Variants in NUDT2 observed in about 807,000 individuals in gnomAD.
NUDT2 encodes the protein nudix hydrolase 2, also known as bis(5'-nucleosyl)-tetraphosphatase [asymmetrical].
NUDT2 carries 12 observed loss-of-function variants against 14.2 expected under a neutral mutation model. That is an observed-to-expected ratio of 0.84 (90% CI 0.54 to 1.37). NUDT2 has a LOEUF of 1.37. NUDT2 is among the 40% of genes most tolerant of loss of function. The pLI, the probability that NUDT2 is intolerant of heterozygous loss-of-function variation, is 0.00. For synonymous variants in NUDT2, 67 were observed against 67.4 expected (o/e 0.99, Z 0.03); for missense variants, 167 against 176.7 (o/e 0.95, Z 0.31).
At chr9:34,329,859 G>A (rs1005619720) in intron 1 of NUDT2, among the ~76,000 whole-genome samples, 1 of 147,572 alleles carries the variant, frequency 6.8e-6, no homozygotes, top group Admixed American at 6.9e-5. Context: ...GATAGGGTGG[G>A]TCGTCCAAAT....
At chr9:34,334,662 G>A (rs1838040600) in intron 1 of NUDT2, among the ~76,000 whole-genome samples, 1 of 152,208 alleles carries the variant, frequency 6.6e-6, no homozygotes. Context: ...GAGGTGGGGA[G>A]AGAGTTCTTT....
chr9:34,339,181 G>A lies in NUDT2; in HGVS notation c.127+15G>A. On this transcript the variant is annotated intron_variant, in intron 4 of 4. Coordinates refer to ENST00000379158, the MANE Select transcript of NUDT2 (RefSeq NM_001161.5). ...TCCTCCCAAAGGTAGAGGCCAGAGG[G>A]GCCAGCTCTTGGGAAACTGCCAACC... 6.2e-7 allele frequency: 1 copy of A among 1,607,054 alleles called. No homozygotes were observed. The highest frequency in any genetic ancestry group is 1.1e-5 in the South Asian group (1 of 90,898).
chr9:34,336,419 T>A (rs1048358436), intron 2 of NUDT2, 78 bp downstream of exon 2: 1 of 152,212 alleles, frequency 6.6e-6, no homozygotes, highest in Non-Finnish European at 1.5e-5. Context: ...CCTACCACTT[T>A]ATATATGAAT....
At chr9:34,341,799 C>T (rs1284585755) in intron 4 of NUDT2, among the ~76,000 whole-genome samples, 3 of 152,184 alleles carry the variant, frequency 2.0e-5, no homozygotes, top group Admixed American at 1.3e-4. Flanking sequence ...CATGAGCCAC[C>T]GCCCCTGGAC....
chr9:34,329,937 C>G (rs537250786), intron 1 of NUDT2, among the ~76,000 whole-genome samples: 2 of 152,344 alleles, frequency 1.3e-5, no homozygotes, highest in East Asian at 3.9e-4. Flanking sequence ...CCTCCCTGGG[C>G]CTCAGTTTCA....
At chr9:34,331,379 G>A (rs1837931782) in intron 1 of NUDT2, among the ~76,000 whole-genome samples, 1 of 152,194 alleles carries the variant, frequency 6.6e-6, no homozygotes, top group African/African-American at 2.4e-5. Context: ...ATGCAAAGTA[G>A]GTGTTAACTT....
intron 1 of NUDT2, among the ~76,000 whole-genome samples, chr9:34,331,226 G>A (rs1837923323): frequency 6.6e-6 from 1 of 152,180 alleles, no homozygotes; most frequent in South Asian, 2.1e-4. Flanking sequence ...CAGTTTAACA[G>A]ACAAGATGAA....
rs1160771057 is a variant in NUDT2 at position 34,336,307 on chromosome 9, G to A, written c.-186G>A. The A allele has an allele frequency of 6.6e-6, 1 of 152,172 alleles. No individual in the cohort carries two copies. The highest frequency in any genetic ancestry group is 1.5e-5 in the Non-Finnish European group (1 of 68,046). The allele number at this position is 152,172 out of a possible 1,614,324, so 9.4% of individuals were successfully genotyped here. A position where few individuals can be genotyped will look rare whatever the true frequency, so the allele number is the denominator to read the frequency against. On this transcript the variant is annotated 5_prime_UTR_variant, in exon 2 of 5. It adds an upstream start codon to the 5' untranslated region. Transcript: ENST00000379158. ...GAGATCTTTGTTCACCAGTTCTACA[G>A]TGATGGGGTGCTTCCTTTTGGCTTC...
At position 34,343,462 on chromosome 9, in the gene NUDT2, T is replaced by A; in HGVS notation, c.*22T>A. 6.5e-7 allele frequency: 1 copy of A among 1,539,964 alleles called. No individual in the cohort carries two copies. Among genetic ancestry groups the A allele is most frequent in the Non-Finnish European group, 8.8e-7 (1 of 1,142,426 alleles). ...CTGAGCTGACTGGAGCAGAGTCATT[T>A]GCTTCAGCAGGATCCTTGTGGGCCT... On this transcript the variant is annotated 3_prime_UTR_variant, in exon 5 of 5. Coordinates refer to ENST00000379158, the MANE Select transcript of NUDT2 (RefSeq NM_001161.5).
rs77958333 is a variant in NUDT2, at chr9:34,335,536, T to A, written c.-264-693T>A. Reference sequence around the variant, plus strand: ...AAGCCAGAAAGCTTCACAGAGGAGGTGACATCTGAGCTGCTTCTGACGAGT... The same window carrying A: ...AAGCCAGAAAGCTTCACAGAGGAGGAGACATCTGAGCTGCTTCTGACGAGT... On this transcript the variant is annotated intron_variant, in intron 1 of 4. Transcript: ENST00000379158. Among the ~76,000 whole-genome samples, 101 of 152,320 alleles carry A rather than the reference T, an allele frequency of 6.6e-4. No individual in the cohort carries two copies. The East Asian group carries it at 0.018, about 28-fold the overall frequency.
At chr9:34,341,001 TG>T (rs1820170118) in intron 4 of NUDT2, among the ~76,000 whole-genome samples, 1 of 151,158 alleles carries the variant, frequency 6.6e-6, no homozygotes, top group African/African-American at 2.4e-5. Flanking sequence ...TAAAAGGGAG[TG>T]GGGTTAGAAG....
chr9:34,343,340 G>A lies in NUDT2; in HGVS notation c.344G>A (p.Arg115His), dbSNP rs1312609869. ...CTCTCCCATGAGCACCAAGCCTACCGCTGGCTGGGGCTGGAGGAGGCCTGC... is the reference window on the plus strand; with the variant it reads ...CTCTCCCATGAGCACCAAGCCTACCACTGGCTGGGGCTGGAGGAGGCCTGC... ...IRLSHEHQAY[R>H]WLGLEEACQL... is the part of the protein sequence containing the mutation. The change falls in exon 5 of 5, where the codon CGC becomes CAC. Residue 115 changes from arginine (R) to histidine (H), a missense_variant. Physicochemically the swap from Arg to His is conservative, Grantham distance 29. Coordinates refer to ENST00000379158, the MANE Select transcript of NUDT2 (RefSeq NM_001161.5). 8 of 1,613,850 alleles carry A rather than the reference G, an allele frequency of 5.0e-6. No homozygotes were observed. The highest frequency in any genetic ancestry group is 4.4e-5 in the South Asian group (4 of 91,084).
At chr9:34,331,227 A>G (rs558103514) in intron 1 of NUDT2, among the ~76,000 whole-genome samples, 1 of 152,244 alleles carries the variant, frequency 6.6e-6, no homozygotes, top group Non-Finnish European at 1.5e-5. Flanking sequence ...AGTTTAACAG[A>G]CAAGATGAAA....
chr9:34,341,147 T>C (rs1028506960), intron 4 of NUDT2, among the ~76,000 whole-genome samples: 2 of 152,246 alleles, frequency 1.3e-5, no homozygotes, highest in African/African-American at 4.8e-5. Context: ...TGAATAGGAA[T>C]ATTCACACTT....
chr9:34,335,060 C>T (rs181111891), intron 1 of NUDT2, among the ~76,000 whole-genome samples: 1 of 152,286 alleles, frequency 6.6e-6, no homozygotes. Flanking sequence ...CCCCAGCACC[C>T]CTAGCTCCTA....
intron 1 of NUDT2, among the ~76,000 whole-genome samples, chr9:34,333,001 C>A (rs1652807185): frequency 6.6e-6 from 1 of 152,064 alleles, no homozygotes; most frequent in Admixed American, 6.5e-5. Flanking sequence ...CATAGAATTG[C>A]AGTCACATAG....
At chr9:34,329,927 C>G (rs1199784495) in intron 1 of NUDT2, among the ~76,000 whole-genome samples, 2 of 152,260 alleles carry the variant, frequency 1.3e-5, no homozygotes, top group African/African-American at 4.8e-5. Flanking sequence ...CGAACCTTCC[C>G]CTCCCTGGGC....
chr9:34,334,372 G>T (rs757140444), intron 1 of NUDT2, among the ~76,000 whole-genome samples: 29 of 152,256 alleles, frequency 1.9e-4, no homozygotes, highest in Non-Finnish European at 3.2e-4. Context: ...TGAATTGCCT[G>T]CTGTCAGCCT....
intron 4 of NUDT2, among the ~76,000 whole-genome samples, chr9:34,341,068 A>AT (rs1820171226): frequency 6.6e-6 from 1 of 152,178 alleles, no homozygotes; most frequent in South Asian, 2.1e-4. Context: ...CAGGAAATAA[A>AT]TTTTGCATGT....
Sources: gnomAD v4.1 joint callset for allele counts (sites outside exome capture counted in the v4.1 genomes callset) on GRCh38, gnomAD v4.1.1 for gene constraint, MANE v1.5 for transcripts, NCBI Gene and HGNC (gene_info 2026-07-23, HGNC 2026-07-21) for gene names.